The following ATP6V1H variants were observed in gnomAD, a reference collection of about 807,000 sequenced individuals.
The protein encoded by ATP6V1H is V-type proton ATPase subunit H.
ATP6V1H carries 39 observed loss-of-function variants against 71.7 expected under a neutral mutation model. The observed-to-expected ratio is 0.54, with a 90% confidence interval of 0.42 to 0.71. ATP6V1H has a LOEUF of 0.71. ATP6V1H is among the 30% of genes least tolerant of loss of function. The pLI is 0.00. For synonymous variants in ATP6V1H, 192 were observed against 199.3 expected (o/e 0.96, Z 0.31); for missense variants, 509 against 594.9 (o/e 0.86, Z 1.50).
In ATP6V1H at chr8:53,779,222, G is replaced by T. The variant is rs180942963; in HGVS notation, c.871-7055C>A. 2.2e-3 allele frequency among the ~76,000 whole-genome samples: 336 copies of T among 151,916 alleles called. 2 individuals are homozygous for T. The highest frequency in any genetic ancestry group is 7.8e-3 in the African/African-American group (325 of 41,438). ...AAATGACACAGAACACAACTCCACT[G>T]GCAAAATATGCATTCTTTTAAGTGC... On this transcript the variant is annotated intron_variant, in intron 9 of 13. Transcript: ENST00000359530.
chr8:53,756,001 C>T (rs1262496892), intron 12 of ATP6V1H, among the ~76,000 whole-genome samples: 2 of 144,292 alleles, frequency 1.4e-5, no homozygotes, highest in African/African-American at 2.6e-5. Context: ...TTGTGATCCG[C>T]CCGCCTCGGC....
At chr8:53,774,571 C>G (rs1808795576) in intron 9 of ATP6V1H, among the ~76,000 whole-genome samples, 1 of 152,188 alleles carries the variant, frequency 6.6e-6, no homozygotes. Context: ...AGAGACTCCA[C>G]TTCCAGGAAT....
chr8:53,769,718 G>A lies in ATP6V1H; in HGVS notation c.1075C>T (p.Leu359Phe), dbSNP rs575224776. ...LSSFDEYSSELKSGRLEWSPV... is the reference protein window; with the variant it reads ...LSSFDEYSSEFKSGRLEWSPV... ...CTCCATTCCAACCTTCCAGATTTAAGTTCTGAACTGTATTCATCAAATGAA... is the reference window on the plus strand; with the variant it reads ...CTCCATTCCAACCTTCCAGATTTAAATTCTGAACTGTATTCATCAAATGAA... The change falls in exon 11 of 14, where the codon CTT becomes TTT. Residue 359 changes from leucine (L) to phenylalanine (F), a missense_variant. Leu to Phe is a conservative substitution (Grantham distance 22). Coordinates refer to ENST00000359530, the MANE Select transcript of ATP6V1H (RefSeq NM_015941.4). The A allele has an allele frequency of 6.2e-7, 1 of 1,611,696 alleles. No homozygotes were observed. Among genetic ancestry groups the A allele is most frequent in the African/African-American group, 1.3e-5 (1 of 74,912 alleles).
At chr8:53,819,398 G>A (rs1430712241) in intron 4 of ATP6V1H, among the ~76,000 whole-genome samples, 10 of 150,180 alleles carry the variant, frequency 6.7e-5, no homozygotes, top group African/African-American at 2.4e-4. Context: ...CGGGTGTGGC[G>A]GCATGTGCCT....
chr8:53,795,968 A>G (rs1809716971), intron 8 of ATP6V1H, 129 bp from the exon 9 acceptor site: 1 of 798,810 alleles, frequency 1.3e-6, no homozygotes, highest in Non-Finnish European at 1.9e-6. Context: ...TCTGCCAGCA[A>G]TAACAAGCAG....
intron 1 of ATP6V1H, chr8:53,842,421 G>A (rs563876683): frequency 5.9e-5 from 9 of 152,294 alleles, no homozygotes; most frequent in African/African-American, 2.2e-4. Context: ...ACAAACGACT[G>A]ATTTTAACAC....
chr8:53,831,208 T>C (rs1341535295), intron 3 of ATP6V1H, among the ~76,000 whole-genome samples: 1 of 152,226 alleles, frequency 6.6e-6, no homozygotes, highest in African/African-American at 2.4e-5. Context: ...GGCAATTTCC[T>C]TGTTGTGTGA....
At chr8:53,804,230 G>C (rs1211579272) in intron 7 of ATP6V1H, among the ~76,000 whole-genome samples, 2 of 152,180 alleles carry the variant, frequency 1.3e-5, no homozygotes, top group African/African-American at 2.4e-5. Context: ...GCAAAGTAGA[G>C]TGCATTACTT....
At chr8:53,716,592 A>G (rs1431275632) in intron 13 of ATP6V1H, among the ~76,000 whole-genome samples, 4 of 152,228 alleles carry the variant, frequency 2.6e-5, no homozygotes, top group Non-Finnish European at 5.9e-5. Flanking sequence ...GCACCAGCAC[A>G]GTCTAAAGCC....
chr8:53,772,516 T>C (rs890327153), intron 9 of ATP6V1H, among the ~76,000 whole-genome samples: 3 of 152,154 alleles, frequency 2.0e-5, no homozygotes, highest in Admixed American at 1.3e-4. Context: ...CTAGAGCACA[T>C]ACAATACTAA....
At position 53,831,426 on chromosome 8, in the gene ATP6V1H, C is replaced by T. The variant is rs981269417; in HGVS notation, c.216+1558G>A. Reference sequence around the variant, plus strand: ...ACATGGTAGTATAATCTTACAAGACCGCTATTACATACACAGTCCAACACT... The same window carrying T: ...ACATGGTAGTATAATCTTACAAGACTGCTATTACATACACAGTCCAACACT... On this transcript the variant is annotated intron_variant, in intron 3 of 13. Coordinates refer to ENST00000359530, the MANE Select transcript of ATP6V1H (RefSeq NM_015941.4). 7.9e-5 allele frequency among the ~76,000 whole-genome samples: 12 copies of T among 152,290 alleles called. No individual in the cohort carries two copies. In the South Asian group the frequency reaches 8.3e-4, roughly 11 times the overall value.
At chr8:53,725,890 C>A (rs938240080) in intron 13 of ATP6V1H, among the ~76,000 whole-genome samples, 1 of 152,004 alleles carries the variant, frequency 6.6e-6, no homozygotes, top group Non-Finnish European at 1.5e-5. Context: ...TTCCTAAAAG[C>A]ATAATATATG....
At chr8:53,814,395 G>A (rs922287396) in intron 6 of ATP6V1H, among the ~76,000 whole-genome samples, 1 of 152,008 alleles carries the variant, frequency 6.6e-6, no homozygotes, top group Non-Finnish European at 1.5e-5. Context: ...CAGCCACCTA[G>A]AAGAAAGGTA....
At chr8:53,832,348 T>G (rs1157864187) in intron 3 of ATP6V1H, 14 of 152,098 alleles carry the variant, frequency 9.2e-5, no homozygotes, top group Admixed American at 9.2e-4. Flanking sequence ...ACAATAAACT[T>G]ACCATGAAAG....
At chr8:53,817,614 C>CATCA in intron 4 of ATP6V1H, 84 bp from the exon 5 acceptor site, 1 of 790,166 alleles carries the variant, frequency 1.3e-6, no homozygotes, top group Non-Finnish European at 2.0e-6. Flanking sequence ...CTCAACCTCC[C>CATCA]ATCAGTCTGT....
At chr8:53,805,850 G>C (rs1392603928) in intron 7 of ATP6V1H, among the ~76,000 whole-genome samples, 2 of 152,114 alleles carry the variant, frequency 1.3e-5, no homozygotes, top group Non-Finnish European at 1.5e-5. Flanking sequence ...GAATTTCATA[G>C]ACACAATATT....
chr8:53,811,347 C>A (rs559994612), intron 6 of ATP6V1H, 130 bp from the exon 7 acceptor site: 24 of 650,400 alleles, frequency 3.7e-5, no homozygotes, highest in Middle Eastern at 4.2e-4. Context: ...TAATTTTATT[C>A]CTAATCCTAC....
chr8:53,790,745 G>A (rs1462141661), intron 9 of ATP6V1H, among the ~76,000 whole-genome samples: 1 of 152,166 alleles, frequency 6.6e-6, no homozygotes, highest in African/African-American at 2.4e-5. Context: ...AAATCATGAA[G>A]AGATGAGATT....
chr8:53,731,203 T>A (rs979516768), intron 13 of ATP6V1H, among the ~76,000 whole-genome samples: 3 of 151,998 alleles, frequency 2.0e-5, no homozygotes, highest in African/African-American at 7.2e-5. Context: ...CCTTAACCCT[T>A]AACACCTCTA....
Sources: gnomAD v4.1 joint callset for allele counts (sites outside exome capture counted in the v4.1 genomes callset) on GRCh38, gnomAD v4.1.1 for gene constraint, MANE v1.5 for transcripts, NCBI Gene and HGNC (gene_info 2026-07-23, HGNC 2026-07-21) for gene names.